CYRIB: variants seen among roughly 807,000 people sequenced by gnomAD.
CYRIB encodes the protein CYFIP related Rac1 interactor B.
In CYRIB, 8 loss-of-function variants were observed where a neutral mutation model predicts 44.2. The ratio of observed to expected loss-of-function variants is 0.18; its 90% CI spans 0.11 to 0.33. The LOEUF (loss-of-function observed/expected upper bound fraction) is 0.33, where lower values mean the gene tolerates loss of function less well. Ranked by LOEUF, CYRIB falls within the 10% of genes least tolerant of loss-of-function variation. CYRIB has a pLI of 1.00. For synonymous variants in CYRIB, 131 were observed against 127.2 expected, an observed-to-expected ratio of 1.03 and a Z score of -0.20; for missense variants, 185 against 382.8, an observed-to-expected ratio of 0.48 and a Z score of 4.31.
intron 2 of CYRIB, among the ~76,000 whole-genome samples, chr8:129,898,094 GT>G (rs34731759): frequency 1.4e-5 from 2 of 146,742 alleles, no homozygotes; most frequent in African/African-American, 2.5e-5. Context: ...AAGTTTTTTT[GT>G]TTTTTTTTTT....
chr8:129,883,164 A>G (rs950818469), intron 2 of CYRIB, among the ~76,000 whole-genome samples: 1 of 149,842 alleles, frequency 6.7e-6, no homozygotes, highest in Admixed American at 6.7e-5. Context: ...TTTATCTAAC[A>G]CAGTGTTTCT....
intron 1 of CYRIB, among the ~76,000 whole-genome samples, chr8:129,986,267 A>G (rs16904187): frequency 0.065 from 9,833 of 152,218 alleles, 409 homozygotes; most frequent in South Asian, 0.21. Flanking sequence ...ACAGAAGGGA[A>G]AGTGATTCAA....
chr8:130,004,761 A>ATTTTTTTTTT (rs775327457), intron 1 of CYRIB, among the ~76,000 whole-genome samples: 1 of 123,882 alleles, frequency 8.1e-6, no homozygotes, highest in African/African-American at 3.0e-5. Flanking sequence ...ATTGTCAGGA[A>ATTTTTTTTTT]TTTTTTTTTT....
intron 3 of CYRIB, among the ~76,000 whole-genome samples, chr8:129,874,142 T>C (rs939808955): frequency 6.6e-6 from 1 of 151,824 alleles, no homozygotes; most frequent in Admixed American, 6.6e-5. Flanking sequence ...TAGAAAAAAA[T>C]GGCTTTACTA....
chr8:129,846,167 T>A (rs915855600), intron 11 of CYRIB, among the ~76,000 whole-genome samples: 2 of 152,116 alleles, frequency 1.3e-5, no homozygotes, highest in Non-Finnish European at 1.5e-5. Context: ...TTTGTAGAAG[T>A]TTGAGCAACT....
chr8:129,969,413 T>C (rs113756650), intron 2 of CYRIB, among the ~76,000 whole-genome samples: 3 of 152,330 alleles, frequency 2.0e-5, no homozygotes, highest in Non-Finnish European at 4.4e-5. Flanking sequence ...CAGGAAGGAC[T>C]CACACAAGTC....
intron 2 of CYRIB, 120 bp from the exon 5 acceptor site, chr8:129,879,591 G>A (rs1261162745): frequency 2.7e-6 from 2 of 731,450 alleles, no homozygotes; most frequent in African/African-American, 3.6e-5. Flanking sequence ...TCATTCTTCA[G>A]GTTACCCAGA....
chr8:129,883,281 A>C (rs2061482039), intron 2 of CYRIB, among the ~76,000 whole-genome samples: 1 of 152,032 alleles, frequency 6.6e-6, no homozygotes, highest in South Asian at 2.1e-4. Context: ...TCCACTAGAT[A>C]CTAGCAGCTA....
chr8:129,930,364 C>CTT (rs1233338484), intron 1 of CYRIB, among the ~76,000 whole-genome samples: 278 of 3,966 alleles, frequency 0.07, 49 homozygotes, highest in Non-Finnish European at 0.086. Flanking sequence ...TTGTGAAGTG[C>CTT]TTATATATAT....
chr8:129,864,699 A>C, intron 4 of CYRIB: 1 of 292,978 alleles, frequency 3.4e-6, no homozygotes, highest in Non-Finnish European at 6.6e-6. Context: ...GGTGCAATGT[A>C]TGGGTAGCCT....
At chr8:129,856,851 T>TA (rs1190024737) in intron 5 of CYRIB, among the ~76,000 whole-genome samples, 1 of 152,360 alleles carries the variant, frequency 6.6e-6, no homozygotes, top group African/African-American at 2.4e-5. Context: ...TCCAAAGCCC[T>TA]ATTCTTTCTA....
intron 4 of CYRIB, among the ~76,000 whole-genome samples, chr8:129,865,678 G>C (rs1470883457): frequency 2.0e-5 from 3 of 152,182 alleles, no homozygotes; most frequent in Non-Finnish European, 4.4e-5. Context: ...AGCATTTTAA[G>C]TTCACATAAA....
At chr8:129,843,124 A>G (rs907789264) in intron 11 of CYRIB, among the ~76,000 whole-genome samples, 5 of 152,226 alleles carry the variant, frequency 3.3e-5, no homozygotes, top group Non-Finnish European at 1.5e-5. Context: ...AGACGGAGAA[A>G]GATAATGATA....
At chr8:129,880,359 G>A (rs1160315732) in intron 2 of CYRIB, 1 of 984,270 alleles carries the variant, frequency 1.0e-6, no homozygotes, top group Non-Finnish European at 1.2e-6. Context: ...CAGCTGTGAA[G>A]GGCTAAAGAG....
chr8:129,957,169 C>G (rs1171120563), intron 2 of CYRIB, among the ~76,000 whole-genome samples: 1 of 152,168 alleles, frequency 6.6e-6, no homozygotes, highest in East Asian at 1.9e-4. Flanking sequence ...GCCTAAGCCT[C>G]TGCATTTTAT....
intron 5 of CYRIB, among the ~76,000 whole-genome samples, chr8:129,856,934 T>C (rs571455367): frequency 6.6e-6 from 1 of 152,232 alleles, no homozygotes; most frequent in Admixed American, 6.5e-5. Context: ...ATTAACCTCC[T>C]GATTACTACC....
intron 1 of CYRIB, among the ~76,000 whole-genome samples, chr8:129,977,274 T>C (rs1189618447): frequency 6.6e-6 from 1 of 152,202 alleles, no homozygotes; most frequent in African/African-American, 2.4e-5. Flanking sequence ...TGGGCCATGT[T>C]CAGCTCAAGA....
chr8:129,991,822 G>T (rs1390962217), intron 1 of CYRIB, among the ~76,000 whole-genome samples: 1 of 151,644 alleles, frequency 6.6e-6, no homozygotes, highest in African/African-American at 2.4e-5. Context: ...GTGGTGGCAC[G>T]CACCTTTAGT....
chr8:129,944,869 C>T (rs2094026712), intron 2 of CYRIB, among the ~76,000 whole-genome samples: 3 of 152,224 alleles, frequency 2.0e-5, no homozygotes, highest in Admixed American at 6.5e-5. Context: ...TTTCCCAATA[C>T]TTTTTCATAT....
Sources: allele counts gnomAD v4.1 joint callset (sites outside exome capture counted in the v4.1 genomes callset), GRCh38; gene constraint gnomAD v4.1.1; transcripts MANE v1.5; gene names NCBI Gene and HGNC (gene_info 2026-07-23, HGNC 2026-07-21).